Variants in TRPS1 observed in about 807,000 individuals in gnomAD.
TRPS1 encodes the protein transcriptional repressor GATA binding 1.
In TRPS1, 6 loss-of-function variants were observed where a neutral mutation model predicts 101.2. That is an observed-to-expected ratio of 0.06 (90% CI 0.03 to 0.12). The LOEUF (loss-of-function observed/expected upper bound fraction) is 0.12. TRPS1 is among the 10% of genes least tolerant of loss of function. TRPS1 has a pLI of 1.00. For synonymous variants in TRPS1, 578 were observed against 589.8 expected (o/e 0.98, Z 0.29); for missense variants, 1,363 against 1,567.0 (o/e 0.87, Z 2.20).
intron 5 of TRPS1, among the ~76,000 whole-genome samples, chr8:115,430,622 A>G (rs1475685020): frequency 6.6e-6 from 1 of 152,140 alleles, no homozygotes; most frequent in Non-Finnish European, 1.5e-5. Context: ...GGCCCAGGAG[A>G]GGAGAGGAAA....
intron 5 of TRPS1, among the ~76,000 whole-genome samples, chr8:115,436,329 C>T (rs1172936869): frequency 6.6e-6 from 1 of 152,042 alleles, no homozygotes; most frequent in Non-Finnish European, 1.5e-5. Context: ...CAGACAGGCC[C>T]GGATGGTAAA....
Position 115,648,264 on chromosome 8 carries a change from T to TGGCAG in TRPS1, c.-122+20276_-122+20280dup, listed in dbSNP as rs963951280. 5.2e-5 allele frequency among the ~76,000 whole-genome samples: 4 copies of TGGCAG among 77,304 alleles called. No homozygotes were observed. The East Asian group carries it at 1.5e-3, about 29-fold the overall frequency. The allele number at this position is 77,304 out of a possible 152,430, so 50.7% of individuals were successfully genotyped here. A position where few individuals can be genotyped will look rare whatever the true frequency, so the allele number is the denominator to read the frequency against. ...GGGCAGGAGGCGGCCTCCACGCAGC[T>TGGCAG]GGCAGGGCAGGCAGCGCTGGAGAGG... On this transcript the variant is annotated intron_variant, in intron 1 of 6. Transcript: ENST00000395715.
chr8:115,602,299 T>C (rs1209264498), intron 4 of TRPS1, among the ~76,000 whole-genome samples: 2 of 152,200 alleles, frequency 1.3e-5, no homozygotes, highest in Non-Finnish European at 2.9e-5. Context: ...ACTATCTGAT[T>C]TTTACATCAC....
At chr8:115,562,876 C>CTGTG (rs10588354) in intron 5 of TRPS1, among the ~76,000 whole-genome samples, 21,781 of 132,426 alleles carry the variant, frequency 0.16, 1,946 homozygotes, top group Non-Finnish European at 0.21. Flanking sequence ...CCCACAGTGT[C>CTGTG]TGTGTGTGTG....
At chr8:115,556,338 CT>C (rs1204091635) in intron 5 of TRPS1, among the ~76,000 whole-genome samples, 2 of 151,938 alleles carry the variant, frequency 1.3e-5, no homozygotes, top group African/African-American at 4.8e-5. Context: ...AAATTCTGAA[CT>C]TTTTTTTACT....
intron 5 of TRPS1, among the ~76,000 whole-genome samples, chr8:115,469,054 T>C (rs558516733): frequency 2.6e-5 from 4 of 152,100 alleles, no homozygotes; most frequent in African/African-American, 7.2e-5. Flanking sequence ...AACCAGAGGA[T>C]TGCTTGAGCC....
At chr8:115,488,673 A>G (rs189793604) in intron 5 of TRPS1, among the ~76,000 whole-genome samples, 1 of 152,282 alleles carries the variant, frequency 6.6e-6, no homozygotes, top group Admixed American at 6.5e-5. Flanking sequence ...GATTCCGTCA[A>G]AAACAAAAAC....
chr8:115,557,363 C>A (rs1178121546), intron 5 of TRPS1, among the ~76,000 whole-genome samples: 1 of 152,060 alleles, frequency 6.6e-6, no homozygotes, highest in Non-Finnish European at 1.5e-5. Context: ...TTCTCCTTTT[C>A]CCCCCAAAAT....
At position 115,587,340 on chromosome 8, in the gene TRPS1, G is replaced by C; in HGVS notation, c.2361C>G (p.Asp787Glu). 6.2e-7 allele frequency: 1 copy of C among 1,614,174 alleles called. No homozygotes were observed. Among genetic ancestry groups the C allele is most frequent in the Non-Finnish European group, 8.5e-7 (1 of 1,180,032 alleles). The part of the protein sequence containing the change: ...VVKREKLEEK[D>E]GLKEKVWTES... ...CGGTCCAAACTTTCTCTTTGAGCCC[G>C]TCCTTCTCTTCCAGCTTCTCTCTCT... Residue 787 changes from aspartate to glutamate, a missense_variant, in exon 5 of 7, where the codon GAC becomes GAG. Asp to Glu is a conservative substitution (Grantham distance 45, BLOSUM62 2). This residue lies in a region of TRPS1 where 1,020 missense variants were observed against 1,073.0 expected (regional missense o/e 0.95). Coordinates refer to ENST00000395715, the MANE Select transcript of TRPS1 (RefSeq NM_014112.5).
chr8:115,412,179 TA>T lies in TRPS1; in HGVS notation c.*1843del, dbSNP rs886062619. 0.044 allele frequency: 6,426 copies of T among 145,368 alleles called. 381 individuals carry two copies. Among genetic ancestry groups the T allele is most frequent in the African/African-American group, 0.14 (5,709 of 40,156 alleles). 9.0% of individuals were successfully genotyped at this position (145,368 alleles called of 1,614,324 possible). On this transcript the variant is annotated 3_prime_UTR_variant, in exon 7 of 7. Coordinates refer to ENST00000395715, the MANE Select transcript of TRPS1 (RefSeq NM_014112.5). ...CAATGTGAGTTAAGAGCTTAAAAAT[TA>T]AAAAAAAAAAAGTACTTGGAATGAA...
chr8:115,497,682 T>G (rs1212274093), intron 5 of TRPS1, among the ~76,000 whole-genome samples: 1 of 152,216 alleles, frequency 6.6e-6, no homozygotes, highest in Non-Finnish European at 1.5e-5. Flanking sequence ...GCTTTTCTGA[T>G]TCATGCTGCT....
intron 5 of TRPS1, among the ~76,000 whole-genome samples, chr8:115,435,432 A>C (rs866738546): frequency 6.6e-6 from 1 of 151,754 alleles, no homozygotes; most frequent in Non-Finnish European, 1.5e-5. Flanking sequence ...GATTCTAAAG[A>C]CTCCCCATGA....
chr8:115,556,247 A>G (rs770585646), intron 5 of TRPS1, among the ~76,000 whole-genome samples: 40 of 152,026 alleles, frequency 2.6e-4, no homozygotes, highest in Admixed American at 6.6e-5. Context: ...CTACAGAATG[A>G]CAAAACTATT....
intron 5 of TRPS1, among the ~76,000 whole-genome samples, chr8:115,582,915 A>G (rs1586426930): frequency 6.6e-6 from 1 of 152,224 alleles, no homozygotes; most frequent in South Asian, 2.1e-4. Flanking sequence ...CAAGTTATCT[A>G]TAACATTCCG....
chr8:115,427,862 A>C (rs1586263558), intron 5 of TRPS1, among the ~76,000 whole-genome samples: 1 of 110,402 alleles, frequency 9.1e-6, no homozygotes. Context: ...GGGAGGGGGG[A>C]GGGGTGCAGT....
In TRPS1 at chr8:115,605,012, A is replaced by G. The variant is rs990420181; in HGVS notation, c.967-10T>C. 2.5e-6 allele frequency: 4 copies of G among 1,612,004 alleles called. No individual in the cohort carries two copies. The African/African-American group carries it at 5.3e-5, about 22-fold the overall frequency. On this transcript the variant is annotated splice_polypyrimidine_tract_variant and intron_variant, in intron 3 of 6. Coordinates refer to ENST00000395715, the MANE Select transcript of TRPS1 (RefSeq NM_014112.5). ...TTCCACCTGAAGTCACCTGGAGAAC[A>G]GAAGAAATGGACTTTACTTCCAAGG...
intron 5 of TRPS1, among the ~76,000 whole-genome samples, chr8:115,549,103 T>C (rs1251067711): frequency 6.6e-6 from 1 of 152,198 alleles, no homozygotes; most frequent in Non-Finnish European, 1.5e-5. Context: ...TAGCTTTACA[T>C]CATTCTATCA....
chr8:115,535,274 A>AGC (rs1816272029), intron 5 of TRPS1, among the ~76,000 whole-genome samples: 1 of 139,384 alleles, frequency 7.2e-6, no homozygotes, highest in Non-Finnish European at 1.5e-5. Flanking sequence ...GCATATATAT[A>AGC]GCATATATAG....
chr8:115,600,231 G>A (rs537961401), intron 4 of TRPS1, among the ~76,000 whole-genome samples: 1 of 152,084 alleles, frequency 6.6e-6, no homozygotes, highest in East Asian at 1.9e-4. Context: ...TTTTATAATT[G>A]AAAACTCCTG....
Sources: gnomAD v4.1 joint callset for allele counts (sites outside exome capture counted in the v4.1 genomes callset) on GRCh38, gnomAD v4.1.1 for gene constraint, gnomAD v4.1.1 regional missense constraint, MANE v1.5 for transcripts, NCBI Gene and HGNC (gene_info 2026-07-23, HGNC 2026-07-21) for gene names.